The following SEC31A variants were observed in gnomAD, a reference collection of about 807,000 sequenced individuals.
The protein encoded by SEC31A is SEC31 homolog A, COPII component.
Under a neutral mutation model 151.0 loss-of-function variants are expected in SEC31A, and 70 were observed. That is an observed-to-expected ratio of 0.46 (90% CI 0.38 to 0.57). The LOEUF is 0.57. Ranked by LOEUF, SEC31A falls within the 20% of genes least tolerant of loss-of-function variation. SEC31A has a pLI of 0.00. For synonymous variants in SEC31A, 475 were observed against 505.9 expected (o/e 0.94, Z 0.82); for missense variants, 1,330 against 1,471.2 (o/e 0.90, Z 1.57).
At chr4:82,889,748 A>T (rs1430124656) in intron 1 of SEC31A, among the ~76,000 whole-genome samples, 1 of 152,186 alleles carries the variant, frequency 6.6e-6, no homozygotes, top group African/African-American at 2.4e-5. Context: ...AAAATTAAGC[A>T]ATATCATTAT....
intron 20 of SEC31A, among the ~76,000 whole-genome samples, chr4:82,847,216 A>T (rs1319786023): frequency 6.6e-6 from 1 of 152,196 alleles, no homozygotes; most frequent in Non-Finnish European, 1.5e-5. Flanking sequence ...GGTCAACTGT[A>T]AAGGCAAAGC....
At chr4:82,841,843 A>G (rs907197497) in intron 22 of SEC31A, among the ~76,000 whole-genome samples, 31 of 146,904 alleles carry the variant, frequency 2.1e-4, no homozygotes, top group Admixed American at 1.8e-3. Flanking sequence ...GTGGTGGTGC[A>G]TGTCTGTTAT....
chr4:82,898,639 C>G (rs1720162866), intron 3 of SEC31A, among the ~76,000 whole-genome samples: 1 of 152,230 alleles, frequency 6.6e-6, no homozygotes, highest in Admixed American at 6.5e-5. Context: ...ACTTTCAACT[C>G]TACCTTAAGA....
chr4:82,891,182 C>T (rs757786726), upstream of SEC31A: 58 of 1,534,894 alleles, frequency 3.8e-5, no homozygotes, highest in Non-Finnish European at 4.4e-5. Flanking sequence ...CGGCCAGGGC[C>T]ACCTCCACGT....
intron 3 of SEC31A, among the ~76,000 whole-genome samples, chr4:82,896,351 GGGGTTACA>G (rs1221363197): frequency 6.6e-6 from 1 of 152,160 alleles, no homozygotes; most frequent in African/African-American, 2.4e-5. Context: ...CCAAGTAGCT[GGGGTTACA>G]GGTGCGTGCC....
chr4:82,841,467 T>TATATATATACAC (rs1339344582), intron 22 of SEC31A, among the ~76,000 whole-genome samples: 3 of 103,558 alleles, frequency 2.9e-5, no homozygotes, highest in African/African-American at 1.0e-4. Flanking sequence ...TATATATATA[T>TATATATATACAC]ACACACACAC....
chr4:82,839,495 C>G (rs570449050), intron 22 of SEC31A, among the ~76,000 whole-genome samples: 34 of 152,224 alleles, frequency 2.2e-4, no homozygotes, highest in African/African-American at 7.7e-4. Context: ...CCACATCGGC[C>G]AGGCTGGTCT....
chr4:82,882,231 A>G (rs531545888), intron 1 of SEC31A, among the ~76,000 whole-genome samples: 12 of 152,002 alleles, frequency 7.9e-5, no homozygotes, highest in East Asian at 1.9e-4. Context: ...GTGAGACCCC[A>G]TCTCTACTAA....
At chr4:82,878,311 T>C (rs559078160) in intron 4 of SEC31A, among the ~76,000 whole-genome samples, 9 of 151,978 alleles carry the variant, frequency 5.9e-5, no homozygotes, top group Admixed American at 1.3e-4. Context: ...CTGGCCAACA[T>C]GGTGAAACCC....
intron 1 of SEC31A, among the ~76,000 whole-genome samples, chr4:82,888,369 A>C (rs1213248888): frequency 8.4e-4 from 5 of 5,926 alleles, no homozygotes; most frequent in South Asian, 7.4e-3. Flanking sequence ...AAAAAAAAAA[A>C]AAAACACACA....
chr4:82,841,467 T>TATATATATATATATATATATATATACAC (rs1339344582), intron 22 of SEC31A, among the ~76,000 whole-genome samples: 1 of 103,596 alleles, frequency 9.7e-6, no homozygotes, highest in African/African-American at 3.4e-5. Flanking sequence ...TATATATATA[T>TATATATATATATATATATATATATACAC]ACACACACAC....
chr4:82,880,757 T>G (rs746227536), intron 3 of SEC31A, 42 bp downstream of exon 3: 3 of 1,542,202 alleles, frequency 1.9e-6, no homozygotes, highest in Non-Finnish European at 2.6e-6. Context: ...AAGAACAATA[T>G]ATAATTAAAT....
chr4:82,900,165 T>G (rs186592492), exon 2 of SEC31A: 1 of 152,478 alleles, frequency 6.6e-6, no homozygotes, highest in Admixed American at 6.5e-5. Context: ...GCTCCTCCGG[T>G]ATCACATACC....
At chr4:82,855,080 A>C (rs768793502) in intron 16 of SEC31A, 51 bp from the exon 17 acceptor site, 1 of 1,481,302 alleles carries the variant, frequency 6.8e-7, no homozygotes, top group Non-Finnish European at 9.0e-7. Flanking sequence ...CATAGCAATA[A>C]AAATTAATTC....
At chr4:82,824,495 A>G in intron 25 of SEC31A, 60 bp downstream of exon 25, 3 of 1,578,080 alleles carry the variant, frequency 1.9e-6, no homozygotes, top group Non-Finnish European at 2.6e-6. Flanking sequence ...ATAAGCCACC[A>G]CACCTGGCCA....
chr4:82,891,282 G>C, upstream of SEC31A: 2 of 1,109,646 alleles, frequency 1.8e-6, no homozygotes, highest in East Asian at 2.7e-5. Context: ...CCGACGCACA[G>C]CCCGCCACGG....
At chr4:82,861,804 T>G in intron 13 of SEC31A, 96 bp from the exon 14 acceptor site, 1 of 672,522 alleles carries the variant, frequency 1.5e-6, no homozygotes, top group East Asian at 2.7e-5. Flanking sequence ...CCAACAACAT[T>G]CAGAGCTAGT....
At chr4:82,882,790 A>G (rs1739681518) in intron 1 of SEC31A, among the ~76,000 whole-genome samples, 1 of 152,248 alleles carries the variant, frequency 6.6e-6, no homozygotes, top group South Asian at 2.1e-4. Context: ...ATAATCCCAT[A>G]TACCACTTGT....
intron 1 of SEC31A, among the ~76,000 whole-genome samples, chr4:82,889,840 C>G (rs910333807): frequency 6.6e-6 from 1 of 152,106 alleles, no homozygotes; most frequent in African/African-American, 2.4e-5. Context: ...AAAAACACTA[C>G]GAGTTATCCA....
Sources: allele counts gnomAD v4.1 joint callset (sites outside exome capture counted in the v4.1 genomes callset), GRCh38; gene constraint gnomAD v4.1.1; transcripts MANE v1.5; gene names NCBI Gene and HGNC (gene_info 2026-07-23, HGNC 2026-07-21).